FAM184B: variants seen among roughly 807,000 people sequenced by gnomAD.
FAM184B encodes the protein family with sequence similarity 184 member B, also known as protein FAM184B.
FAM184B carries 111 observed loss-of-function variants against 135.9 expected under a neutral mutation model. The observed-to-expected ratio is 0.82, with a 90% CI of 0.70 to 0.96. The LOEUF (loss-of-function observed/expected upper bound fraction) is 0.96, where lower values mean the gene tolerates loss of function less well. FAM184B is among the 40% of genes least tolerant of loss of function. The pLI, the probability that FAM184B is intolerant of heterozygous loss-of-function variation, is 0.00. For missense variants in FAM184B, 1,375 were observed against 1,323.9 expected, an observed-to-expected ratio of 1.04 and a Z score of -0.60; for synonymous variants, 552 against 524.8, an observed-to-expected ratio of 1.05 and a Z score of -0.71.
At chr4:17,760,246 A>G (rs1459620945) in intron 1 of FAM184B, among the ~76,000 whole-genome samples, 1 of 152,140 alleles carries the variant, frequency 6.6e-6, no homozygotes, top group Non-Finnish European at 1.5e-5. Context: ...TGGGCAGATC[A>G]CAAGGTCAGG....
intron 1 of FAM184B, among the ~76,000 whole-genome samples, chr4:17,763,606 T>C (rs979931958): frequency 2.0e-5 from 3 of 152,172 alleles, no homozygotes; most frequent in African/African-American, 4.8e-5. Flanking sequence ...GTCACCACTG[T>C]TGCTGGCTCT....
In FAM184B at chr4:17,654,720, T is replaced by C. The variant is rs775467075; in HGVS notation, c.2038-1737A>G. On this transcript the variant is annotated intron_variant, in intron 10 of 17. Transcript: ENST00000265018. ...GAATTCAACCACCTTTGAGCCCAAG[T>C]TGGCCTCCCAAACCCAGCGGGTCAT... Among the ~76,000 whole-genome samples, 101 of 152,370 alleles carry C rather than the reference T, an allele frequency of 6.6e-4. 2 individuals carry two copies. Among genetic ancestry groups the C allele is most frequent in the Non-Finnish European group, 1.3e-3 (87 of 68,038 alleles).
intron 1 of FAM184B, among the ~76,000 whole-genome samples, chr4:17,741,215 T>A (rs1718025199): frequency 6.6e-6 from 1 of 152,158 alleles, no homozygotes; most frequent in African/African-American, 2.4e-5. Context: ...AAACAATTTG[T>A]TAGTGATATG....
chr4:17,742,187 G>A (rs888766017), intron 1 of FAM184B, among the ~76,000 whole-genome samples: 3 of 141,884 alleles, frequency 2.1e-5, no homozygotes, highest in Non-Finnish European at 4.5e-5. Context: ...TTTTAAAGAG[G>A]CTGGCCAAGG....
intron 1 of FAM184B, among the ~76,000 whole-genome samples, chr4:17,721,107 G>GGGCGC (rs1717514065): frequency 6.6e-6 from 1 of 151,212 alleles, no homozygotes; most frequent in African/African-American, 2.4e-5. Context: ...AATCTCGGCT[G>GGGCGC]GGCGCGGTGG....
rs574976816 is a variant in FAM184B, at chr4:17,641,170, G to C, written c.2519+886C>G. Among the ~76,000 whole-genome samples, 9 of 152,248 alleles carry C rather than the reference G, an allele frequency of 5.9e-5. No individual in the cohort carries two copies. The South Asian group carries it at 1.9e-3, about 32-fold the overall frequency. On this transcript the variant is annotated intron_variant, in intron 13 of 17. Coordinates refer to ENST00000265018, the MANE Select transcript of FAM184B (RefSeq NM_015688.2). ...GCTGGTCTTGGACTCCTGACCTCAA[G>C]TGATGTGCCTGCCTCAGCCTCCCAA...
intron 1 of FAM184B, among the ~76,000 whole-genome samples, chr4:17,721,512 C>T (rs1717529711): frequency 6.6e-6 from 1 of 150,860 alleles, no homozygotes. Context: ...GAAGAAAATA[C>T]TGATAAGGGA....
chr4:17,710,841 A>C (rs1023126210), intron 1 of FAM184B, among the ~76,000 whole-genome samples: 1 of 152,164 alleles, frequency 6.6e-6, no homozygotes, highest in Admixed American at 6.5e-5. Context: ...GCAGAAGAAA[A>C]TCGGGAAGTC....
At chr4:17,695,747 C>A (rs1388640341) in intron 5 of FAM184B, among the ~76,000 whole-genome samples, 1 of 152,110 alleles carries the variant, frequency 6.6e-6, no homozygotes, top group Admixed American at 6.5e-5. Context: ...CAGGGACCAT[C>A]TGAGGAGCTT....
chr4:17,658,868 G>A (rs942316583), intron 9 of FAM184B, among the ~76,000 whole-genome samples: 6 of 152,020 alleles, frequency 3.9e-5, no homozygotes, highest in African/African-American at 1.2e-4. Flanking sequence ...GGTGCTGCTC[G>A]AATCTGGCTT....
At chr4:17,749,303 C>T (rs552749934) in intron 1 of FAM184B, among the ~76,000 whole-genome samples, 4 of 152,002 alleles carry the variant, frequency 2.6e-5, no homozygotes, top group East Asian at 1.9e-4. Context: ...AAGAACCAGA[C>T]GGGCACAGTG....
At chr4:17,772,874 T>C (rs1254672414) in intron 1 of FAM184B, among the ~76,000 whole-genome samples, 1 of 152,238 alleles carries the variant, frequency 6.6e-6, no homozygotes, top group Non-Finnish European at 1.5e-5. Context: ...GAAGACAATG[T>C]GTGCTTCTAT....
chr4:17,673,247 G>A (rs1716220652), intron 7 of FAM184B, among the ~76,000 whole-genome samples: 1 of 151,992 alleles, frequency 6.6e-6, no homozygotes, highest in Non-Finnish European at 1.5e-5. Context: ...ATTCCTGCAA[G>A]AATGGCCATT....
At chr4:17,643,270 C>T (rs1332203738) in intron 12 of FAM184B, among the ~76,000 whole-genome samples, 1 of 152,206 alleles carries the variant, frequency 6.6e-6, no homozygotes, top group Non-Finnish European at 1.5e-5. Flanking sequence ...GGGCCTGCAG[C>T]CTGGCATTGT....
chr4:17,758,204 A>G (rs1275723631), intron 1 of FAM184B, among the ~76,000 whole-genome samples: 2 of 152,204 alleles, frequency 1.3e-5, no homozygotes, highest in Non-Finnish European at 2.9e-5. Context: ...AAAGGACTCA[A>G]ATTTACCCCT....
At chr4:17,724,090 G>A (rs1222568106) in intron 1 of FAM184B, among the ~76,000 whole-genome samples, 4 of 149,218 alleles carry the variant, frequency 2.7e-5, no homozygotes, top group African/African-American at 9.9e-5. Flanking sequence ...TTTAAAAAGA[G>A]GGAGGCAAAA....
chr4:17,632,816 T>C, intron 17 of FAM184B, 191 bp from the exon 18 acceptor site: 1 of 509,658 alleles, frequency 2.0e-6, no homozygotes, highest in Non-Finnish European at 3.6e-6. Context: ...CTAATCCTCA[T>C]TTGGAAAACA....
intron 1 of FAM184B, among the ~76,000 whole-genome samples, chr4:17,746,526 G>A (rs997059960): frequency 1.4e-5 from 2 of 147,076 alleles, no homozygotes; most frequent in Non-Finnish European, 3.0e-5. Context: ...GGGTCAGGAG[G>A]TCGAGACCAT....
At chr4:17,665,931 T>C (rs114604246) in intron 7 of FAM184B, among the ~76,000 whole-genome samples, 1,673 of 150,152 alleles carry the variant, frequency 0.011, 26 homozygotes, top group African/African-American at 0.039. Context: ...TCTTCTCTGC[T>C]GAAGCCTCCT....
Sources: gnomAD v4.1 joint callset for allele counts (sites outside exome capture counted in the v4.1 genomes callset) on GRCh38, gnomAD v4.1.1 for gene constraint, MANE v1.5 for transcripts, NCBI Gene and HGNC (gene_info 2026-07-23, HGNC 2026-07-21) for gene names.